The following CAT variants were observed in gnomAD, a reference collection of about 807,000 sequenced individuals.
The protein encoded by CAT is epididymis secretory sperm binding protein.
A neutral mutation model predicts 59.0 loss-of-function variants in CAT; 43 were observed. The ratio of observed to expected loss-of-function variants is 0.73; its 90% CI spans 0.57 to 0.94. The LOEUF (loss-of-function observed/expected upper bound fraction) is 0.94. Ranked by LOEUF, CAT falls within the 40% of genes least tolerant of loss-of-function variation. The pLI is 0.00. For synonymous variants in CAT, 218 were observed against 230.9 expected (o/e 0.94, Z 0.51); for missense variants, 664 against 682.9 (o/e 0.97, Z 0.31).
intron 7 of CAT, 54 bp downstream of exon 7, chr11:34,456,256 T>A: frequency 7.3e-7 from 1 of 1,373,692 alleles, no homozygotes; most frequent in Admixed American, 1.9e-5. Flanking sequence ...TCTTACCTAA[T>A]TAGAAAAAAA....
chr11:34,456,111 C>G lies in CAT; in HGVS notation c.812C>G (p.Thr271Arg), dbSNP rs751477286. Residue 271 changes from threonine to arginine, a missense_variant, in exon 7 of 13, where the codon ACA becomes AGA. By Grantham distance (71) the Thr-to-Arg change is moderately conservative. Transcript: ENST00000241052. ...CGGGATCTTTTTAACGCCATTGCCA[C>G]AGGAAAGTACCCCTCCTGGACTTTT... is the stretch of plus-strand genomic sequence containing the variant. Reference protein sequence around the residue: ...GIRDLFNAIATGKYPSWTFYI... With the variant: ...GIRDLFNAIARGKYPSWTFYI... 6.2e-7 allele frequency: 1 copy of G among 1,614,062 alleles called. No homozygotes were observed. Among genetic ancestry groups the G allele is most frequent in the Admixed American group, 1.7e-5 (1 of 60,028 alleles).
At chr11:34,462,708 G>A (rs532787577) in intron 9 of CAT, among the ~76,000 whole-genome samples, 7 of 152,258 alleles carry the variant, frequency 4.6e-5, no homozygotes, top group East Asian at 1.9e-4. Context: ...ATGAGCCACC[G>A]CGCCTGGCTT....
chr11:34,461,178 A>G (rs910164374), intron 8 of CAT, 73 bp from the exon 9 acceptor site: 2 of 1,514,276 alleles, frequency 1.3e-6, no homozygotes, highest in African/African-American at 2.7e-5. Flanking sequence ...AAATTTCAGA[A>G]TGAAGTTTAC....
intron 11 of CAT, chr11:34,468,623 A>G: frequency 3.4e-6 from 2 of 590,034 alleles, no homozygotes; most frequent in Non-Finnish European, 6.0e-6. Context: ...GTGTGTACTA[A>G]TTTAGTTGTG....
chr11:34,456,640 A>G, intron 7 of CAT, 25 bp from the exon 8 acceptor site: 1 of 1,612,204 alleles, frequency 6.2e-7, no homozygotes, highest in Non-Finnish European at 8.5e-7. Context: ...TTGCCTGGTA[A>G]TTGTGAATAT....
At position 34,439,037 on chromosome 11, in the gene CAT, C is replaced by T. The variant is rs763284357; in HGVS notation, c.24C>T (p.Ala8=). The change falls in exon 1 of 13, where the codon GCC becomes GCT. Residue 8 remains alanine (A), a synonymous_variant. Coordinates refer to ENST00000241052, the MANE Select transcript of CAT (RefSeq NM_001752.4). MADSRDP[A]SDQMQHWKEQ... ...CTATGGCTGACAGCCGGGATCCCGC[C>T]AGCGACCAGATGCAGCACTGGAAGG... 1.6e-5 allele frequency: 26 copies of T among 1,599,162 alleles called. No homozygotes were observed. The highest frequency in any genetic ancestry group is 1.7e-6 in the Non-Finnish European group (2 of 1,173,050).
In CAT at chr11:34,468,312, C is replaced by G. The variant is rs775035055; in HGVS notation, c.1351C>G (p.Leu451Val). The part of the protein sequence containing the change: ...TQVRAFYVNV[L>V]NEEQRKRLCE... ...GGTGCGGGCATTCTATGTGAACGTGCTGAATGAGGAACAGAGGAAACGTCT... is the reference window on the plus strand; with the variant it reads ...GGTGCGGGCATTCTATGTGAACGTGGTGAATGAGGAACAGAGGAAACGTCT... Residue 451 changes from leucine to valine, a missense_variant, in exon 11 of 13, where the codon CTG becomes GTG. Physicochemically the swap from Leu to Val is conservative, Grantham distance 32. Transcript: ENST00000241052. 32 of 1,613,898 alleles carry G rather than the reference C, an allele frequency of 2.0e-5. No individual in the cohort carries two copies. Among genetic ancestry groups the G allele is most frequent in the Non-Finnish European group, 2.5e-5 (30 of 1,179,862 alleles).
intron 1 of CAT, among the ~76,000 whole-genome samples, chr11:34,440,385 T>C (rs1218007585): frequency 6.6e-6 from 1 of 152,084 alleles, no homozygotes; most frequent in Non-Finnish European, 1.5e-5. Flanking sequence ...TGCCACTACT[T>C]AGTGGCAGAG....
Position 34,453,868 on chromosome 11 carries a change from A to G in CAT, c.653A>G (p.His218Arg). Reference sequence around the variant, plus strand: ...CGCCACATGAATGGATATGGATCACATACTTTCAAGCTGGTTAATGCAAAT... The same window carrying G: ...CGCCACATGAATGGATATGGATCACGTACTTTCAAGCTGGTTAATGCAAAT... ...GHRHMNGYGS[H>R]TFKLVNANGE... The change falls in exon 6 of 13, where the codon CAT (histidine) becomes CGT (arginine). Residue 218 changes from histidine to arginine, a missense_variant. By Grantham distance (29) the His-to-Arg change is conservative. Transcript: ENST00000241052. The G allele has an allele frequency of 1.2e-6, 2 of 1,613,882 alleles. No homozygotes were observed. Among genetic ancestry groups the G allele is most frequent in the Non-Finnish European group, 1.7e-6 (2 of 1,179,744 alleles).
rs370619632 is a variant in CAT, at chr11:34,453,097, C to G, written c.488C>G (p.Ser163Cys). 5.0e-6 allele frequency: 8 copies of G among 1,606,656 alleles called. No individual in the cohort carries two copies. The highest frequency in any genetic ancestry group is 6.8e-6 in the Non-Finnish European group (8 of 1,173,596). Reference sequence around the variant, plus strand: ...TCTCTTTTTTCTATTTAGTTTCCATCTTTTATCCACAGCCAAAAGAGAAAT... The same window carrying G: ...TCTCTTTTTTCTATTTAGTTTCCATGTTTTATCCACAGCCAAAAGAGAAAT... Reference protein sequence around the residue: ...FFIRDPILFPSFIHSQKRNPQ... With the variant: ...FFIRDPILFPCFIHSQKRNPQ... The change falls in exon 5 of 13, where the codon TCT (serine) becomes TGT (cysteine). Residue 163 changes from serine (S) to cysteine (C), a missense_variant. Ser to Cys is a moderately radical substitution (Grantham distance 112). Coordinates refer to ENST00000241052, the MANE Select transcript of CAT (RefSeq NM_001752.4).
At chr11:34,450,845 C>T (rs2091003312) in intron 2 of CAT, 143 bp from the exon 3 acceptor site, 12 of 758,940 alleles carry the variant, frequency 1.6e-5, no homozygotes, top group Non-Finnish European at 2.9e-5. Context: ...TGTGTTTGGG[C>T]ATTTCCCCTT....
At chr11:34,458,309 G>A (rs1856613888) in intron 8 of CAT, among the ~76,000 whole-genome samples, 1 of 152,202 alleles carries the variant, frequency 6.6e-6, no homozygotes, top group South Asian at 2.1e-4. Context: ...GGTTCATTGA[G>A]TATATGTCAG....
chr11:34,455,560 G>A (rs1856578702), intron 6 of CAT, among the ~76,000 whole-genome samples: 1 of 151,840 alleles, frequency 6.6e-6, no homozygotes, highest in Admixed American at 6.6e-5. Context: ...AATAGGACAG[G>A]GGTGAAGGGA....
At chr11:34,455,196 A>G (rs1214437562) in intron 6 of CAT, among the ~76,000 whole-genome samples, 1 of 152,170 alleles carries the variant, frequency 6.6e-6, no homozygotes, top group Non-Finnish European at 1.5e-5. Flanking sequence ...CTTCTTGTTC[A>G]GTAGTAAGAG....
At chr11:34,469,315 T>C (rs1482188112) in intron 11 of CAT, among the ~76,000 whole-genome samples, 1 of 152,186 alleles carries the variant, frequency 6.6e-6, no homozygotes, top group Non-Finnish European at 1.5e-5. Flanking sequence ...GCAGGATTTA[T>C]CTCCTTTTAC....
rs565096663 is a variant in CAT at position 34,453,013 on chromosome 11, T to C, written c.481-77T>C. 4.5e-5 allele frequency: 37 copies of C among 824,466 alleles called. No individual in the cohort carries two copies. In the South Asian group the frequency reaches 4.8e-4, roughly 11 times the overall value. 51.1% of individuals were successfully genotyped at this position (824,466 alleles called of 1,614,324 possible). On this transcript the variant is annotated intron_variant, in intron 4 of 12. Transcript: ENST00000241052. ...GAATTATAATCCATAAACCTAGTAA[T>C]AGGCATATATAATGAAAGACACCAT...
intron 6 of CAT, 26 bp downstream of exon 6, chr11:34,453,952 G>GT: frequency 6.2e-7 from 1 of 1,611,532 alleles, no homozygotes; most frequent in South Asian, 1.1e-5. Context: ...GGGGCAGAGG[G>GT]TACAAGGCTC....
intron 1 of CAT, among the ~76,000 whole-genome samples, chr11:34,439,979 G>T (rs1004223556): frequency 3.3e-5 from 5 of 152,206 alleles, no homozygotes; most frequent in African/African-American, 9.7e-5. Context: ...TTCCTGGCCT[G>T]TGCCCACGGC....
At chr11:34,439,623 T>C (rs1476847965) in intron 1 of CAT, among the ~76,000 whole-genome samples, 1 of 152,174 alleles carries the variant, frequency 6.6e-6, no homozygotes, top group African/African-American at 2.4e-5. Flanking sequence ...CATTGTCTCA[T>C]TTGCACTTCA....
Sources: allele counts gnomAD v4.1 joint callset (sites outside exome capture counted in the v4.1 genomes callset), GRCh38; gene constraint gnomAD v4.1.1; transcripts MANE v1.5; gene names NCBI Gene and HGNC (gene_info 2026-07-23, HGNC 2026-07-21).